The following PCDH11Y variants were observed in gnomAD, a reference collection of about 807,000 sequenced individuals.
PCDH11Y encodes the protein protocadherin 11 Y-linked.
For missense variants in PCDH11Y, 12 were observed against 224.8 expected, an observed-to-expected ratio of 0.05 and a Z score of 6.05; for synonymous variants, 9 against 83.6, an observed-to-expected ratio of 0.11 and a Z score of 4.87.
intron 3 of PCDH11Y, among the ~76,000 whole-genome samples, chrY:5,045,050 C>G (rs2052631044): frequency 3.0e-5 from 1 of 33,111 alleles, no homozygotes; most frequent in Non-Finnish European, 7.4e-5. Flanking sequence ...ACTGATAGGT[C>G]TTGACTCTTT....
At chrY:5,132,000 T>C in intron 2 of PCDH11Y, among the ~76,000 whole-genome samples, 1 of 33,030 alleles carries the variant, frequency 3.0e-5, no homozygotes, top group Admixed American at 2.8e-4. Flanking sequence ...TTGTGTGAGA[T>C]TGAGATCGAC....
At chrY:5,215,687 A>C in intron 2 of PCDH11Y, among the ~76,000 whole-genome samples, 1 of 30,712 alleles carries the variant, frequency 3.3e-5, no homozygotes, top group Non-Finnish European at 7.8e-5. Context: ...ATCTTCTCTG[A>C]TATCAACCTG....
exon 5 of PCDH11Y, chrY:5,739,650 T>A: frequency 3.0e-5 from 1 of 33,400 alleles, no homozygotes; most frequent in African/African-American, 1.2e-4. Flanking sequence ...AAGTTTCTTT[T>A]CATGTGCCCA....
intron 2 of PCDH11Y, among the ~76,000 whole-genome samples, chrY:5,412,470 T>C (rs2124678556): frequency 3.0e-5 from 1 of 33,275 alleles, no homozygotes; most frequent in South Asian, 6.7e-4. Context: ...AGCACTGTTT[T>C]GAATAGCAGT....
chrY:5,220,743 G>T (rs2052953416), intron 2 of PCDH11Y, among the ~76,000 whole-genome samples: 1 of 15,089 alleles, frequency 6.6e-5, no homozygotes, highest in African/African-American at 2.8e-4. Flanking sequence ...TGAGACGGAG[G>T]TTCAGTCTCC....
At chrY:5,466,818 A>G (rs1602929558) in intron 2 of PCDH11Y, among the ~76,000 whole-genome samples, 5 of 32,999 alleles carry the variant, frequency 1.5e-4, no homozygotes, top group African/African-American at 5.9e-4. Flanking sequence ...CAATAGCAGC[A>G]TCGTTGAAAT....
At chrY:5,413,422 C>A in intron 2 of PCDH11Y, among the ~76,000 whole-genome samples, 1 of 33,283 alleles carries the variant, frequency 3.0e-5, no homozygotes, top group African/African-American at 1.2e-4. Context: ...GGAGTTTCTC[C>A]ATACTCCCAA....
At chrY:5,037,797 A>AT (rs2052601915) in intron 3 of PCDH11Y, among the ~76,000 whole-genome samples, 1 of 32,432 alleles carries the variant, frequency 3.1e-5, no homozygotes, top group African/African-American at 1.2e-4. Context: ...TTTTCTTTTC[A>AT]TTTTTTAGGG....
intron 3 of PCDH11Y, among the ~76,000 whole-genome samples, chrY:5,040,134 C>CA (rs2052605415): frequency 1.5e-3 from 21 of 13,732 alleles, no homozygotes; most frequent in African/African-American, 3.4e-3. Context: ...GACTCCATCT[C>CA]AAAAAAAAAA....
chrY:5,546,541 A>G (rs1283915122), intron 3 of PCDH11Y, among the ~76,000 whole-genome samples: 1,189 of 31,523 alleles, frequency 0.038, no homozygotes, highest in Non-Finnish European at 0.068. Context: ...CTTGTGGCCT[A>G]CACTCACAGT....
chrY:5,307,940 T>C (rs2053092306), intron 2 of PCDH11Y, among the ~76,000 whole-genome samples: 2 of 33,310 alleles, frequency 6.0e-5, no homozygotes, highest in African/African-American at 1.2e-4. Context: ...CCTTGAATGC[T>C]GCACCTAAAA....
At chrY:5,285,498 G>T (rs2053058990) in intron 2 of PCDH11Y, among the ~76,000 whole-genome samples, 1 of 33,262 alleles carries the variant, frequency 3.0e-5, no homozygotes, top group Non-Finnish European at 7.5e-5. Context: ...CAAAATTGTT[G>T]AATTAATTTG....
chrY:5,147,339 C>T, intron 2 of PCDH11Y, among the ~76,000 whole-genome samples: 1 of 32,053 alleles, frequency 3.1e-5, no homozygotes, highest in Non-Finnish European at 7.5e-5. Context: ...GGGAGCTAAA[C>T]ATTAAGTACA....
intron 4 of PCDH11Y, among the ~76,000 whole-genome samples, chrY:5,722,899 T>C: frequency 3.0e-5 from 1 of 33,290 alleles, no homozygotes; most frequent in African/African-American, 1.1e-4. Context: ...AGCAATTATG[T>C]AGGTAAACGT....
At chrY:5,103,982 T>C, downstream of PCDH11Y, among the ~76,000 whole-genome samples, 1 of 32,230 alleles carries the variant, frequency 3.1e-5, no homozygotes, top group Non-Finnish European at 7.6e-5. Flanking sequence ...CTAAGACAAG[T>C]ATTTGGGGTA....
chrY:5,030,545 A>G, intron 1 of PCDH11Y, among the ~76,000 whole-genome samples: 2 of 33,100 alleles, frequency 6.0e-5, no homozygotes, highest in Non-Finnish European at 1.5e-4. Context: ...TCTTTGCCTT[A>G]TCTGTTCTTG....
intron 2 of PCDH11Y, among the ~76,000 whole-genome samples, chrY:5,288,103 A>C: frequency 3.1e-5 from 1 of 32,256 alleles, no homozygotes; most frequent in Non-Finnish European, 7.5e-5. Flanking sequence ...CTGAATCTTG[A>C]TGGTCTTCAT....
At chrY:5,112,785 G>C in intron 2 of PCDH11Y, among the ~76,000 whole-genome samples, 1 of 34,339 alleles carries the variant, frequency 2.9e-5, no homozygotes, top group Non-Finnish European at 7.4e-5. Flanking sequence ...TTCTGATTTT[G>C]AGTAGAGTTA....
chrY:5,385,784 G>A (rs2053213918), intron 2 of PCDH11Y, among the ~76,000 whole-genome samples: 2 of 33,463 alleles, frequency 6.0e-5, no homozygotes, highest in African/African-American at 2.3e-4. Context: ...TTTCTTATAT[G>A]TTTCTTGGCC....
Sources: gnomAD v4.1 joint callset for allele counts (sites outside exome capture counted in the v4.1 genomes callset) on GRCh38, gnomAD v4.1.1 for gene constraint, MANE v1.5 for transcripts, NCBI Gene and HGNC (gene_info 2026-07-23, HGNC 2026-07-21) for gene names.